Variants in STK3 observed in about 807,000 individuals in gnomAD.
STK3 encodes the protein serine/threonine kinase 3, also known as serine/threonine-protein kinase 3.
In STK3, 41 loss-of-function variants were observed where a neutral mutation model predicts 58.0. The ratio of observed to expected loss-of-function variants is 0.71; its 90% CI spans 0.55 to 0.92. STK3 has a LOEUF of 0.92. Among genes scored for constraint, STK3 ranks in the 40% least tolerant of loss-of-function variants. STK3 has a pLI of 0.00. For missense variants in STK3, 479 were observed against 602.7 expected (o/e 0.79, Z 2.15); for synonymous variants, 170 against 191.0 (o/e 0.89, Z 0.91).
intron 1 of STK3, among the ~76,000 whole-genome samples, chr8:98,801,376 C>T (rs1244984693): frequency 6.6e-6 from 1 of 152,088 alleles, no homozygotes; most frequent in Non-Finnish European, 1.5e-5. Flanking sequence ...GTAACCCGCT[C>T]GGTCCCCTTC....
intron 2 of STK3, among the ~76,000 whole-genome samples, chr8:98,373,231 C>T (rs564050347): frequency 7.0e-4 from 107 of 152,238 alleles, no homozygotes; most frequent in African/African-American, 2.3e-3. Context: ...CATATCAGTG[C>T]CCTTAACATC....
chr8:98,780,478 G>A (rs992617996), intron 1 of STK3, among the ~76,000 whole-genome samples: 1 of 152,000 alleles, frequency 6.6e-6, no homozygotes, highest in African/African-American at 2.4e-5. Context: ...CTTTTCTTAT[G>A]TGTATACAAA....
At chr8:98,519,214 ATC>A (rs1825170134) in intron 10 of STK3, among the ~76,000 whole-genome samples, 1 of 152,128 alleles carries the variant, frequency 6.6e-6, no homozygotes, top group African/African-American at 2.4e-5. Flanking sequence ...TATAGCCAAT[ATC>A]TCTTTTAAAA....
chr8:98,913,815 C>T (rs1839239300), intron 1 of STK3, among the ~76,000 whole-genome samples: 1 of 152,238 alleles, frequency 6.6e-6, no homozygotes, highest in Non-Finnish European at 1.5e-5. Flanking sequence ...AGGCAATTGC[C>T]TCTGGCAGCC....
At chr8:98,848,953 A>C (rs762327216) in intron 3 of STK3, among the ~76,000 whole-genome samples, 1 of 152,132 alleles carries the variant, frequency 6.6e-6, no homozygotes, top group Non-Finnish European at 1.5e-5. Context: ...GCAGCCAGGC[A>C]CAGTGGTTCA....
At chr8:98,850,918 A>G (rs1836444466) in intron 3 of STK3, among the ~76,000 whole-genome samples, 1 of 152,164 alleles carries the variant, frequency 6.6e-6, no homozygotes, top group African/African-American at 2.4e-5. Flanking sequence ...TGCAGCCACA[A>G]TGGTGAGAGA....
At chr8:98,687,443 C>T (rs531331665) in intron 6 of STK3, among the ~76,000 whole-genome samples, 2 of 152,252 alleles carry the variant, frequency 1.3e-5, no homozygotes, top group African/African-American at 4.8e-5. Context: ...GGAGCTTAGG[C>T]TGTAATTCTT....
At chr8:98,643,290 C>T (rs941977456) in intron 6 of STK3, among the ~76,000 whole-genome samples, 1 of 152,116 alleles carries the variant, frequency 6.6e-6, no homozygotes, top group Non-Finnish European at 1.5e-5. Context: ...CTTTGTAACA[C>T]CTTTATTATC....
intron 8 of STK3, among the ~76,000 whole-genome samples, chr8:98,549,645 A>C (rs1202485886): frequency 6.6e-6 from 1 of 152,212 alleles, no homozygotes; most frequent in African/African-American, 2.4e-5. Flanking sequence ...GTTTCACAGA[A>C]GAATCAAGTC....
intron 1 of STK3, among the ~76,000 whole-genome samples, chr8:98,899,663 G>A (rs55708865): frequency 6.6e-6 from 1 of 152,126 alleles, no homozygotes; most frequent in South Asian, 2.1e-4. Flanking sequence ...TTTCCCATGG[G>A]TGCTGGGGGA....
At chr8:98,402,471 G>A (rs533372166) in intron 3 of STK3, among the ~76,000 whole-genome samples, 1 of 152,316 alleles carries the variant, frequency 6.6e-6, no homozygotes, top group African/African-American at 2.4e-5. Context: ...GAAAGGAAGC[G>A]AAAGTCTGGG....
chr8:98,776,578 G>A (rs1265744019), intron 1 of STK3, among the ~76,000 whole-genome samples: 2 of 152,160 alleles, frequency 1.3e-5, no homozygotes, highest in Admixed American at 1.3e-4. Context: ...TATGAGCGTG[G>A]AAGGTTTTCA....
chr8:98,889,842 C>T (rs192777968), intron 1 of STK3: 11 of 152,290 alleles, frequency 7.2e-5, no homozygotes, highest in African/African-American at 2.2e-4. Context: ...CAAGTTCCAC[C>T]GGTTCTGGAT....
chr8:98,377,533 A>G (rs1249200582), intron 2 of STK3, among the ~76,000 whole-genome samples: 1 of 151,852 alleles, frequency 6.6e-6, no homozygotes, highest in Non-Finnish European at 1.5e-5. Context: ...CAAATATATT[A>G]TAAATTTTCA....
chr8:98,937,907 G>C (rs1840252947), intron 1 of STK3, among the ~76,000 whole-genome samples: 1 of 152,210 alleles, frequency 6.6e-6, no homozygotes, highest in Non-Finnish European at 1.5e-5. Flanking sequence ...TCTGCACTGG[G>C]AAGCAAAATT....
intron 8 of STK3, 145 bp from the exon 9 acceptor site, chr8:98,548,306 A>T: frequency 1.7e-6 from 1 of 583,228 alleles, no homozygotes; most frequent in East Asian, 3.6e-5. Context: ...CATACATACA[A>T]ATGTTATTTT....
intron 1 of STK3, among the ~76,000 whole-genome samples, chr8:98,896,864 AG>A (rs1838466163): frequency 6.6e-6 from 1 of 152,142 alleles, no homozygotes; most frequent in Non-Finnish European, 1.5e-5. Flanking sequence ...CTGTAATCCT[AG>A]CTACTCGGGA....
intron 3 of STK3, among the ~76,000 whole-genome samples, chr8:98,419,260 C>T (rs1406552510): frequency 6.6e-6 from 1 of 152,058 alleles, no homozygotes; most frequent in Non-Finnish European, 1.5e-5. Flanking sequence ...ACTTGGGAAG[C>T]TGAGGCAGGA....
rs190348190 is a variant in STK3, at chr8:98,571,383, G to A, written c.948+8281C>T. Among the ~76,000 whole-genome samples, 258 of 152,202 alleles carry A rather than the reference G, an allele frequency of 1.7e-3. 1 individual carries two copies. The highest frequency in any genetic ancestry group is 6.0e-3 in the Admixed American group (92 of 15,278). ...AGGTCCCTATTGAACAGGGGTAAGG[G>A]GAAAGAGGGGAAGGCGGGGGAAGTT... On this transcript the variant is annotated intron_variant, in intron 8 of 10. Transcript: ENST00000419617.
Sources: allele counts gnomAD v4.1 joint callset (sites outside exome capture counted in the v4.1 genomes callset), GRCh38; gene constraint gnomAD v4.1.1; transcripts MANE v1.5; gene names NCBI Gene and HGNC (gene_info 2026-07-23, HGNC 2026-07-21).